Variants in PACS2 observed in about 807,000 individuals in gnomAD.
PACS2 encodes the protein PACS1-like protein.
Under a neutral mutation model 113.0 loss-of-function variants are expected in PACS2, and 36 were observed. That is an observed-to-expected ratio of 0.32 (90% CI 0.24 to 0.42). PACS2 has a LOEUF of 0.42. Ranked by LOEUF, PACS2 falls within the 10% of genes least tolerant of loss-of-function variation. The pLI is 1.00. For synonymous variants in PACS2, 589 were observed against 536.1 expected (o/e 1.10, Z -1.36); for missense variants, 1,015 against 1,239.5 (o/e 0.82, Z 2.72).
intron 1 of PACS2, among the ~76,000 whole-genome samples, chr14:105,341,940 G>A (rs1282222003): frequency 2.0e-5 from 3 of 152,226 alleles, no homozygotes; most frequent in Non-Finnish European, 4.4e-5. Context: ...GCCGTAGCCT[G>A]CTGTTTTTGT....
Position 105,303,670 on chromosome 14 carries a change from T to C in PACS2, c.-83+2691T>C, listed in dbSNP as rs139333753. On this transcript the variant is annotated intron_variant, in intron 1 of 23. Transcript: ENST00000430725. ...TTTAGCTGAATCCTGCACATTTCAA[T>C]GTGCTGTGTTTTCATTTTCATTCAG... is the stretch of plus-strand genomic sequence containing the variant. Among the ~76,000 whole-genome samples, 687 of 152,386 alleles carry C rather than the reference T, an allele frequency of 4.5e-3. 3 individuals carry two copies. The highest frequency in any genetic ancestry group is 0.015 in the African/African-American group (620 of 41,590).
chr14:105,378,167 C>T (rs1333250409), intron 9 of PACS2, among the ~76,000 whole-genome samples: 5 of 152,234 alleles, frequency 3.3e-5, no homozygotes, highest in Non-Finnish European at 7.3e-5. Flanking sequence ...CTGTCTTTAA[C>T]GGCTCACGTG....
At chr14:105,342,469 A>C (rs868946012) in intron 1 of PACS2, among the ~76,000 whole-genome samples, 12 of 151,794 alleles carry the variant, frequency 7.9e-5, no homozygotes, top group South Asian at 4.2e-4. Context: ...GGGTTTCGCC[A>C]TGTTGGCCAG....
chr14:105,314,951 C>A lies in PACS2; in HGVS notation c.33C>A (p.Gly11=), dbSNP rs587698346. Reference sequence around the variant, plus strand: ...AGCGAGGCCGCCTCGGCCTCCCCGGCGCGCCCGGCGCGCTCAACACGCCCG... The same window carrying A: ...AGCGAGGCCGCCTCGGCCTCCCCGGAGCGCCCGGCGCGCTCAACACGCCCG... MAERGRLGLP[G]APGALNTPVP... is the part of the protein sequence containing the mutation. Residue 11 remains glycine (G), a synonymous_variant, in exon 1 of 25, where the codon GGC becomes GGA. Coordinates refer to ENST00000447393, the MANE Select transcript of PACS2 (RefSeq NM_001100913.3). 1.7e-6 allele frequency: 2 copies of A among 1,178,486 alleles called. No homozygotes were observed. The highest frequency in any genetic ancestry group is 1.8e-5 in the South Asian group (1 of 54,616). 73.0% of individuals were successfully genotyped at this position (1,178,486 alleles called of 1,614,324 possible).
chr14:105,345,670 C>T (rs1555402466), intron 1 of PACS2, among the ~76,000 whole-genome samples: 1 of 152,222 alleles, frequency 6.6e-6, no homozygotes, highest in Non-Finnish European at 1.5e-5. Context: ...GATTGCTAGT[C>T]TAACGCCATT....
At chr14:105,378,064 G>A (rs891887750) in intron 9 of PACS2, among the ~76,000 whole-genome samples, 5 of 152,144 alleles carry the variant, frequency 3.3e-5, no homozygotes, top group South Asian at 2.1e-4. Flanking sequence ...CTCCACCTTC[G>A]GAACCAGCAA....
At chr14:105,345,201 A>G (rs1005746429) in intron 1 of PACS2, among the ~76,000 whole-genome samples, 3 of 152,080 alleles carry the variant, frequency 2.0e-5, no homozygotes, top group Non-Finnish European at 2.9e-5. Flanking sequence ...AGGTCGGGAG[A>G]TTGAGACCAT....
intron 1 of PACS2, among the ~76,000 whole-genome samples, chr14:105,328,235 C>T (rs957358059): frequency 2.6e-5 from 4 of 152,212 alleles, no homozygotes; most frequent in African/African-American, 7.2e-5. Flanking sequence ...CCTGCCCCAA[C>T]CCCCGGAGTG....
chr14:105,342,269 T>C (rs2140968238), intron 1 of PACS2, among the ~76,000 whole-genome samples: 1 of 151,794 alleles, frequency 6.6e-6, no homozygotes, highest in East Asian at 1.9e-4. Flanking sequence ...TGTGTGTGTG[T>C]GTCTATGTGT....
chr14:105,312,376 C>CGTGGTAG (rs1356378439), upstream of PACS2, among the ~76,000 whole-genome samples: 2 of 152,230 alleles, frequency 1.3e-5, no homozygotes, highest in Non-Finnish European at 2.9e-5. Flanking sequence ...CCGGGCAGCA[C>CGTGGTAG]GTGGTAGGAC....
intron 24 of PACS2, among the ~76,000 whole-genome samples, chr14:105,393,988 AGATTGCGCCACTGCACTCCAGCCTGG>A (rs1162442361): frequency 6.8e-6 from 1 of 146,376 alleles, no homozygotes; most frequent in Non-Finnish European, 1.5e-5. Flanking sequence ...CAGTGAGCCG[AGATTGCGCCACTGCACTCCAGCCTGG>A]GTGACAGAGC....
At chr14:105,350,378 C>T (rs1335012850) in intron 2 of PACS2, among the ~76,000 whole-genome samples, 3 of 152,222 alleles carry the variant, frequency 2.0e-5, no homozygotes, top group Non-Finnish European at 4.4e-5. Flanking sequence ...CCCACACTGA[C>T]CCTGTTCCTT....
At position 105,324,273 on chromosome 14, in the gene PACS2, C is replaced by T. The variant is rs115972471; in HGVS notation, c.119+9236C>T. 0.014 allele frequency among the ~76,000 whole-genome samples: 2,176 copies of T among 152,188 alleles called. 57 individuals are homozygous for T. Among genetic ancestry groups the T allele is most frequent in the African/African-American group, 0.05 (2,083 of 41,500 alleles). ...TCACAGTGACGGGGGTCTCTTTGGACCCTGTGACTTGTGTGTGGTGGTGGC... is the reference window on the plus strand; with the variant it reads ...TCACAGTGACGGGGGTCTCTTTGGATCCTGTGACTTGTGTGTGGTGGTGGC... On this transcript the variant is annotated intron_variant, in intron 1 of 24. Transcript: ENST00000447393. This position sits in a 1 kb window ranked among gnomAD's most constrained non-coding sequence, Gnocchi z 4.7.
In PACS2 at chr14:105,323,432, C is replaced by T. The variant is rs920247618; in HGVS notation, c.119+8395C>T. ...CTCAGGACGCATGTTGCCTACTGACCGCTGCCAGCCTGCACGAGACTCTCA... is the reference window on the plus strand; with the variant it reads ...CTCAGGACGCATGTTGCCTACTGACTGCTGCCAGCCTGCACGAGACTCTCA... On this transcript the variant is annotated intron_variant, in intron 1 of 24. Transcript: ENST00000447393. The surrounding 1 kb of genome is among the most constrained non-coding windows in gnomAD (Gnocchi z 4.1). Among the ~76,000 whole-genome samples the T allele has an allele frequency of 7.9e-5, 12 of 152,248 alleles. No individual in the cohort carries two copies. Among genetic ancestry groups the T allele is most frequent in the South Asian group, 2.1e-4 (1 of 4,820 alleles).
chr14:105,383,119 C>A, intron 15 of PACS2: 1 of 626,374 alleles, frequency 1.6e-6, no homozygotes, highest in South Asian at 1.9e-5. Flanking sequence ...TCCTGCCACA[C>A]TGGAGTGGTG....
rs1323897518 is a variant in PACS2, at chr14:105,392,789, C to T, written c.2426C>T (p.Ala809Val). The T allele has an allele frequency of 1.9e-6, 3 of 1,610,232 alleles. No individual in the cohort carries two copies. The highest frequency in any genetic ancestry group is 2.7e-5 in the African/African-American group (2 of 74,908). ...QVSRLPSSGE[A>V]AATPTMSMTV... ...AGCAGGCTGCCCAGCAGCGGCGAGG[C>T]TGCAGCCACGCCCACCATGTCCATG... is the stretch of plus-strand genomic sequence containing the variant. The change falls in exon 23 of 25, where the codon GCT (alanine) becomes GTT (valine). Residue 809 changes from alanine (A) to valine (V), a missense_variant. Ala to Val is a moderately conservative substitution (Grantham distance 64). This residue lies in a region of PACS2 where 859 missense variants were observed against 1,056.8 expected (regional missense o/e 0.81). Coordinates refer to ENST00000447393, the MANE Select transcript of PACS2 (RefSeq NM_001100913.3).
chr14:105,385,529 G>A (rs1187426461), intron 18 of PACS2, among the ~76,000 whole-genome samples, 156 bp from the exon 19 acceptor site: 2 of 152,240 alleles, frequency 1.3e-5, no homozygotes, highest in African/African-American at 2.4e-5. Context: ...CTACAGGGGA[G>A]AGAGCCGAGT....
At chr14:105,361,888 G>A (rs1555406556) in intron 4 of PACS2, among the ~76,000 whole-genome samples, 1 of 152,172 alleles carries the variant, frequency 6.6e-6, no homozygotes, top group East Asian at 1.9e-4. Context: ...GGCGGAAATT[G>A]CAATGAGCCA....
At position 105,357,873 on chromosome 14, in the gene PACS2, C is replaced by T. The variant is rs113217459; in HGVS notation, c.423+2696C>T. On this transcript the variant is annotated intron_variant, in intron 4 of 24. Coordinates refer to ENST00000447393, the MANE Select transcript of PACS2 (RefSeq NM_001100913.3). The surrounding 1 kb of genome is among the most constrained non-coding windows in gnomAD (Gnocchi z 5.1). ...GCGCCATGCATTTGAGAGTAGTGCTCGGCGGTGGGGAAGGGTCCTTGAGGG... is the reference window on the plus strand; with the variant it reads ...GCGCCATGCATTTGAGAGTAGTGCTTGGCGGTGGGGAAGGGTCCTTGAGGG... 7.4e-3 allele frequency among the ~76,000 whole-genome samples: 1,123 copies of T among 151,986 alleles called. 16 individuals carry two copies. Among genetic ancestry groups the T allele is most frequent in the African/African-American group, 0.026 (1,063 of 41,468 alleles).
Sources: allele counts gnomAD v4.1 joint callset (sites outside exome capture counted in the v4.1 genomes callset), GRCh38; gene constraint gnomAD v4.1.1; regional missense constraint gnomAD v4.1.1; non-coding constraint Gnocchi (gnomAD v3.1); transcripts MANE v1.5; gene names NCBI Gene and HGNC (gene_info 2026-07-23, HGNC 2026-07-21).